NCKAP1: variants seen among roughly 807,000 people sequenced by gnomAD.
The protein encoded by NCKAP1 is NCK associated protein 1, also known as nck-associated protein 1.
NCKAP1 carries 21 observed loss-of-function variants against 151.2 expected under a neutral mutation model. That is an observed-to-expected ratio of 0.14 (90% confidence interval 0.10 to 0.20). The LOEUF is 0.20. NCKAP1 is among the 10% of genes least tolerant of loss of function. NCKAP1 has a pLI of 1.00. For synonymous variants in NCKAP1, 484 were observed against 451.8 expected (o/e 1.07, Z -0.90); for missense variants, 933 against 1,352.1 (o/e 0.69, Z 4.86).
chr2:182,955,010 T>C (rs913001504), intron 20 of NCKAP1, among the ~76,000 whole-genome samples: 1 of 152,236 alleles, frequency 6.6e-6, no homozygotes, highest in South Asian at 2.1e-4. Flanking sequence ...TTGAGAATAA[T>C]AAACACCACA....
chr2:182,991,021 T>A (rs747166259), intron 8 of NCKAP1, among the ~76,000 whole-genome samples: 34 of 152,202 alleles, frequency 2.2e-4, no homozygotes, highest in Non-Finnish European at 4.1e-4. Context: ...AAATTTTGTT[T>A]ATAAAACATT....
chr2:182,928,756 G>T, intron 28 of NCKAP1, 27 bp downstream of exon 28: 2 of 1,445,026 alleles, frequency 1.4e-6, no homozygotes, highest in Non-Finnish European at 1.9e-6. Context: ...TTTATTCATC[G>T]CCAAAACAAT....
intron 13 of NCKAP1, among the ~76,000 whole-genome samples, chr2:182,980,042 G>C (rs1482083939): frequency 1.3e-5 from 2 of 151,986 alleles, no homozygotes; most frequent in African/African-American, 4.8e-5. Context: ...TATAAAAATA[G>C]ATTAAGTAAT....
At chr2:182,979,979 T>C (rs1450689463) in intron 13 of NCKAP1, among the ~76,000 whole-genome samples, 3 of 152,104 alleles carry the variant, frequency 2.0e-5, no homozygotes, top group South Asian at 2.1e-4. Flanking sequence ...TTACTATAAT[T>C]CCAGAAGAAA....
chr2:182,941,302 T>C (rs925816241), intron 24 of NCKAP1, among the ~76,000 whole-genome samples: 2 of 152,188 alleles, frequency 1.3e-5, no homozygotes, highest in African/African-American at 4.8e-5. Context: ...ATACTTAAGA[T>C]TCACTGTGAT....
intron 2 of NCKAP1, among the ~76,000 whole-genome samples, chr2:183,005,634 C>G (rs1698457167): frequency 6.6e-6 from 1 of 152,100 alleles, no homozygotes; most frequent in South Asian, 2.1e-4. Context: ...TACTTAGCTA[C>G]AAACATTTAT....
At chr2:182,974,719 C>T (rs916298580) in intron 15 of NCKAP1, among the ~76,000 whole-genome samples, 5 of 151,998 alleles carry the variant, frequency 3.3e-5, no homozygotes, top group Admixed American at 3.3e-4. Context: ...AGACTGCCAG[C>T]CTTCAGAACT....
chr2:182,982,856 G>A lies in NCKAP1; in HGVS notation c.1173C>T (p.Asn391=). The A allele has an allele frequency of 6.2e-7, 1 of 1,611,204 alleles. No homozygotes were observed. Among genetic ancestry groups the A allele is most frequent in the Non-Finnish European group, 8.5e-7 (1 of 1,178,690 alleles). Residue 391 remains asparagine, a synonymous_variant, in exon 12 of 31, where the codon AAC becomes AAT. Coordinates refer to ENST00000361354, the MANE Select transcript of NCKAP1 (RefSeq NM_013436.5). ...AGTCGTCTGCACTCTTCTTTGGCAT[G>A]TTATCTGCATGACGAAGTAGCCAGA... ...EIIWLLRHAD[N]MPKKSADDFI... is the part of the protein sequence containing the mutation.
At chr2:182,954,457 A>T (rs1201352665) in intron 20 of NCKAP1, among the ~76,000 whole-genome samples, 3 of 152,106 alleles carry the variant, frequency 2.0e-5, no homozygotes, top group African/African-American at 7.2e-5. Context: ...CAACCGACAA[A>T]TCCCATCACT....
chr2:182,926,494 T>C lies in NCKAP1; in HGVS notation c.3270+322A>G, dbSNP rs147060516. Among the ~76,000 whole-genome samples, 5 of 152,108 alleles carry C rather than the reference T, an allele frequency of 3.3e-5. No individual in the cohort carries two copies. In the East Asian group the frequency reaches 7.7e-4, roughly 23 times the overall value. On this transcript the variant is annotated intron_variant, in intron 30 of 30. Coordinates refer to ENST00000361354, the MANE Select transcript of NCKAP1 (RefSeq NM_013436.5). ...AAATGGGCAGAATAGAGTTAGAATG[T>C]AGAAAACTCAGAAAACTGGAAGAGA... is the stretch of plus-strand genomic sequence containing the variant.
chr2:182,972,179 G>A (rs1697709961), intron 15 of NCKAP1, among the ~76,000 whole-genome samples: 1 of 126,866 alleles, frequency 7.9e-6, no homozygotes, highest in African/African-American at 3.0e-5. Flanking sequence ...CAACAGACAA[G>A]GCATTAACAA....
intron 16 of NCKAP1, among the ~76,000 whole-genome samples, chr2:182,965,327 T>TA (rs202198371): frequency 0.015 from 2,345 of 152,098 alleles, 63 homozygotes; most frequent in African/African-American, 0.054. Flanking sequence ...AATTTTATTT[T>TA]TTTTTTTAAC....
intron 26 of NCKAP1, among the ~76,000 whole-genome samples, chr2:182,931,845 T>C (rs1316856058): frequency 6.6e-6 from 1 of 152,122 alleles, no homozygotes; most frequent in African/African-American, 2.4e-5. Context: ...CCAAAGAAGA[T>C]ATAGAAATAA....
In NCKAP1 at chr2:183,021,458, A is replaced by T. The variant is rs572022471; in HGVS notation, c.219+2348T>A. On this transcript the variant is annotated intron_variant, in intron 2 of 30. Transcript: ENST00000361354. ...GGATAAAAAATTAAAAAAAATTTTT[A>T]AAAATAGCTGAGCATGGTGGTGCGC... is the stretch of plus-strand genomic sequence containing the variant. Among the ~76,000 whole-genome samples the T allele has an allele frequency of 2.8e-4, 42 of 152,284 alleles. 2 individuals are homozygous for T. The South Asian group carries it at 7.0e-3, about 26-fold the overall frequency.
At chr2:182,937,888 C>T (rs935224054) in intron 24 of NCKAP1, among the ~76,000 whole-genome samples, 6 of 152,046 alleles carry the variant, frequency 3.9e-5, no homozygotes, top group Non-Finnish European at 8.8e-5. Context: ...GGTTTTTTCT[C>T]CCCACCTACT....
Position 183,002,854 on chromosome 2 carries a change from A to G in NCKAP1, c.369+120T>C, listed in dbSNP as rs919304753. The G allele has an allele frequency of 9.1e-6, 6 of 658,808 alleles. No homozygotes were observed. In the African/African-American group the frequency reaches 9.1e-5, roughly 10 times the overall value. 40.8% of individuals were successfully genotyped at this position (658,808 alleles called of 1,614,324 possible). On this transcript the variant is annotated intron_variant, in intron 4 of 30. Transcript: ENST00000361354. ...TTTTAAAAAAGCTATAAAACAAGCC[A>G]AATTAATAATGCTAAAACTTTATAT...
chr2:183,029,397 A>G (rs1360187887), intron 1 of NCKAP1, among the ~76,000 whole-genome samples: 1 of 152,120 alleles, frequency 6.6e-6, no homozygotes, highest in East Asian at 1.9e-4. Context: ...GCATAGGATT[A>G]CATACCACAG....
At chr2:183,018,433 G>C (rs1243730942) in intron 2 of NCKAP1, among the ~76,000 whole-genome samples, 1 of 152,094 alleles carries the variant, frequency 6.6e-6, no homozygotes, top group Non-Finnish European at 1.5e-5. Context: ...CCCTCTTAAA[G>C]ACAAGTTAAG....
In NCKAP1 at chr2:182,915,921, G is replaced by T. The variant is rs956663062; in HGVS notation, c.*9781C>A. 2.6e-5 allele frequency: 4 copies of T among 151,962 alleles called. No homozygotes were observed. The highest frequency in any genetic ancestry group is 9.7e-5 in the African/African-American group (4 of 41,368). 9.4% of individuals were successfully genotyped at this position (151,962 alleles called of 1,614,324 possible). A position where few individuals can be genotyped will look rare whatever the true frequency, so the allele number is the denominator to read the frequency against. ...TTTTTGCTACGTGGAATGCCTTTTT[G>T]ATCTATTGCCAATGCTTTCACCTTT... On this transcript the variant is annotated 3_prime_UTR_variant, in exon 31 of 31. Coordinates refer to ENST00000361354, the MANE Select transcript of NCKAP1 (RefSeq NM_013436.5).
Sources: gnomAD v4.1 joint callset for allele counts (sites outside exome capture counted in the v4.1 genomes callset) on GRCh38, gnomAD v4.1.1 for gene constraint, MANE v1.5 for transcripts, NCBI Gene and HGNC (gene_info 2026-07-23, HGNC 2026-07-21) for gene names.